Variants in RAD21 observed in about 807,000 individuals in gnomAD.
RAD21 encodes the protein RAD21 cohesin complex component, also known as double-strand-break repair protein rad21 homolog.
RAD21 carries 18 observed loss-of-function variants against 71.5 expected under a neutral mutation model. The observed-to-expected ratio is 0.25, with a 90% CI of 0.17 to 0.37. The LOEUF (loss-of-function observed/expected upper bound fraction) is 0.37, where lower values mean the gene tolerates loss of function less well. RAD21 is among the 10% of genes least tolerant of loss of function. The probability of loss-of-function intolerance (pLI) is 1.00; values close to 1 mark genes in which losing one functional copy is unlikely to be tolerated. For synonymous variants in RAD21, 248 were observed against 254.0 expected (o/e 0.98, Z 0.22); for missense variants, 493 against 769.1 (o/e 0.64, Z 4.25).
In RAD21 at chr8:116,847,483, A is replaced by G. The variant is rs776417390; in HGVS notation, c.*17T>C. 1.3e-6 allele frequency: 2 copies of G among 1,587,610 alleles called. No individual in the cohort carries two copies. Among genetic ancestry groups the G allele is most frequent in the South Asian group, 1.1e-5 (1 of 87,610 alleles). ...AGCACTAGTGAATCAAACACTAGCT[A>G]TAATGCTTCTAGCTCCTTATATAAT... is the stretch of plus-strand genomic sequence containing the variant. On this transcript the variant is annotated 3_prime_UTR_variant, in exon 14 of 14. Coordinates refer to ENST00000297338, the MANE Select transcript of RAD21 (RefSeq NM_006265.3).
intron 2 of RAD21, among the ~76,000 whole-genome samples, chr8:116,864,805 G>A (rs747583247): frequency 4.2e-4 from 64 of 152,108 alleles, no homozygotes; most frequent in Non-Finnish European, 7.6e-4. Context: ...TAGGTAAAAT[G>A]AGGTATGGCA....
At chr8:116,864,831 G>A (rs1307243015) in intron 2 of RAD21, among the ~76,000 whole-genome samples, 2 of 152,106 alleles carry the variant, frequency 1.3e-5, no homozygotes, top group African/African-American at 2.4e-5. Flanking sequence ...TTTTGAGCTA[G>A]TGTGTGTTAA....
rs548172063 is a variant in RAD21 at position 116,846,918 on chromosome 8, A to G, written c.*582T>C. 1.9e-5 allele frequency: 4 copies of G among 214,930 alleles called. No individual in the cohort carries two copies. The highest frequency in any genetic ancestry group is 9.0e-5 in the African/African-American group (4 of 44,462). 13.3% of individuals were successfully genotyped at this position (214,930 alleles called of 1,614,324 possible). On this transcript the variant is annotated 3_prime_UTR_variant, in exon 14 of 14. Transcript: ENST00000297338. ...TATCTTTTTGTAGCTGAAGGCTATC[A>G]GTCATAACACAATTTCGCGTACACC...
intron 4 of RAD21, among the ~76,000 whole-genome samples, chr8:116,860,373 G>A (rs776724551): frequency 4.6e-5 from 7 of 152,170 alleles, no homozygotes; most frequent in Admixed American, 3.3e-4. Context: ...CGGGTAAAAC[G>A]CTATCGGGTA....
intron 4 of RAD21, among the ~76,000 whole-genome samples, chr8:116,859,696 T>C (rs538630522): frequency 6.6e-6 from 1 of 150,990 alleles, no homozygotes; most frequent in Non-Finnish European, 1.5e-5. Flanking sequence ...TGGGCCTCCC[T>C]GTTCCTTGAG....
At chr8:116,851,680 G>T (rs1390521153) in intron 11 of RAD21, 1 of 293,490 alleles carries the variant, frequency 3.4e-6, no homozygotes, top group Non-Finnish European at 6.3e-6. Context: ...TAATAAATCA[G>T]AACCAACTTC....
intron 7 of RAD21, 138 bp downstream of exon 7, chr8:116,856,508 C>G (rs1312182157): frequency 1.6e-6 from 2 of 1,244,104 alleles, no homozygotes; most frequent in African/African-American, 1.6e-5. Context: ...GAATCAGAAC[C>G]AGTAATCATA....
At chr8:116,862,703 T>C (rs1279401905) in intron 3 of RAD21, among the ~76,000 whole-genome samples, 1 of 152,122 alleles carries the variant, frequency 6.6e-6, no homozygotes, top group East Asian at 1.9e-4. Context: ...TAACCAATCA[T>C]TACCTAAAAC....
chr8:116,859,528 A>G (rs1440121893), intron 4 of RAD21, among the ~76,000 whole-genome samples: 2 of 152,162 alleles, frequency 1.3e-5, no homozygotes, highest in African/African-American at 4.8e-5. Context: ...GGTGTGAACC[A>G]CTATACCTGG....
At chr8:116,867,251 C>T (rs553050394) in intron 1 of RAD21, among the ~76,000 whole-genome samples, 1 of 152,228 alleles carries the variant, frequency 6.6e-6, no homozygotes, top group South Asian at 2.1e-4. Context: ...ATTTCATATT[C>T]CACCAAGCAA....
At chr8:116,855,133 C>CT (rs1485615434) in intron 8 of RAD21, among the ~76,000 whole-genome samples, 4 of 151,692 alleles carry the variant, frequency 2.6e-5, no homozygotes, top group East Asian at 1.9e-4. Context: ...TGGTTCAACA[C>CT]TTAAAAAAAA....
Position 116,866,776 on chromosome 8 carries a change from A to G in RAD21, c.-32-15T>C. On this transcript the variant is annotated splice_polypyrimidine_tract_variant and intron_variant, in intron 1 of 13. Coordinates refer to ENST00000297338, the MANE Select transcript of RAD21 (RefSeq NM_006265.3). ...CAGAAGAAAACCTAAGAGGGGAAAA[A>G]AAAGTTAATGTAAACATCATCTGAC... 1 of 1,509,088 alleles carries G rather than the reference A, an allele frequency of 6.6e-7. No homozygotes were observed. The highest frequency in any genetic ancestry group is 8.9e-7 in the Non-Finnish European group (1 of 1,129,304). 93.5% of individuals were successfully genotyped at this position (1,509,088 alleles called of 1,614,324 possible).
chr8:116,872,561 CACACAT>C (rs755489861), intron 1 of RAD21, among the ~76,000 whole-genome samples: 28 of 149,806 alleles, frequency 1.9e-4, no homozygotes, highest in Non-Finnish European at 3.2e-4. Flanking sequence ...CACACACACA[CACACAT>C]ATTTTAACTC....
intron 1 of RAD21, among the ~76,000 whole-genome samples, chr8:116,871,662 T>C (rs542702747): frequency 2.6e-5 from 4 of 152,326 alleles, no homozygotes; most frequent in South Asian, 2.1e-4. Context: ...ATACAAAAGA[T>C]ATACTTGGAG....
rs867599591 is a variant in RAD21 at position 116,874,438 on chromosome 8, G to A, written c.-33+173C>T. The A allele has an allele frequency of 3.6e-4, 76 of 208,598 alleles. 1 individual carries two copies. Among genetic ancestry groups the A allele is most frequent in the African/African-American group, 1.8e-3 (74 of 41,636 alleles). 12.9% of individuals were successfully genotyped at this position (208,598 alleles called of 1,614,324 possible). ...GGCCCGGGGCGAAGGGGGCTGGGCG[G>A]GTGGCGCCGCCGCTTGGGCGCCGGG... is the stretch of plus-strand genomic sequence containing the variant. On this transcript the variant is annotated intron_variant, in intron 1 of 13. Transcript: ENST00000297338.
At chr8:116,854,205 C>T in intron 9 of RAD21, 40 bp downstream of exon 9, 1 of 1,456,554 alleles carries the variant, frequency 6.9e-7, no homozygotes, top group Non-Finnish European at 9.4e-7. Flanking sequence ...TTTAGATGCT[C>T]AAAATGTATA....
At chr8:116,851,369 T>C (rs562296516) in intron 11 of RAD21, 2 of 152,372 alleles carry the variant, frequency 1.3e-5, no homozygotes, top group East Asian at 1.9e-4. Flanking sequence ...TTCTTAAAAT[T>C]GGCAGAGTAT....
At chr8:116,851,745 T>C (rs1812352157) in intron 11 of RAD21, 3 of 454,500 alleles carry the variant, frequency 6.6e-6, no homozygotes, top group Non-Finnish European at 1.2e-5. Flanking sequence ...TCAAAAAGAG[T>C]CAGGAAAGAC....
intron 1 of RAD21, among the ~76,000 whole-genome samples, chr8:116,869,036 G>C (rs1812754762): frequency 6.6e-6 from 1 of 152,072 alleles, no homozygotes; most frequent in Non-Finnish European, 1.5e-5. Flanking sequence ...AAATGGCAGA[G>C]GGGAACCTTC....
Sources: gnomAD v4.1 joint callset for allele counts (sites outside exome capture counted in the v4.1 genomes callset) on GRCh38, gnomAD v4.1.1 for gene constraint, MANE v1.5 for transcripts, NCBI Gene and HGNC (gene_info 2026-07-23, HGNC 2026-07-21) for gene names.